Variants in CTNNA2 observed in about 807,000 individuals in gnomAD.
CTNNA2 encodes the protein catenin alpha 2.
Under a neutral mutation model 101.0 loss-of-function variants are expected in CTNNA2, and 42 were observed. That is an observed-to-expected ratio of 0.42 (90% CI 0.32 to 0.54). The LOEUF (loss-of-function observed/expected upper bound fraction) is 0.54. CTNNA2 is among the 20% of genes least tolerant of loss of function. The probability of loss-of-function intolerance (pLI) is 0.14; values close to 1 mark genes in which losing one functional copy is unlikely to be tolerated. For missense variants in CTNNA2, 871 were observed against 1,223.1 expected (o/e 0.71, Z 4.29); for synonymous variants, 450 against 456.4 (o/e 0.99, Z 0.18).
At chr2:79,540,484 G>A (rs961018626) in intron 1 of CTNNA2, among the ~76,000 whole-genome samples, 9 of 152,090 alleles carry the variant, frequency 5.9e-5, no homozygotes, top group East Asian at 1.9e-4. Flanking sequence ...CTCCATCTCC[G>A]TTTGGACTAT....
chr2:79,744,555 G>T lies in CTNNA2; in HGVS notation c.271G>T (p.Ala91Ser), dbSNP rs1224400149. Reference sequence around the variant, plus strand: ...TCAAGATCTCAAAGAAGAGTTGGTGGCTGCTGTAGAGGATGTGCGCAAACA... The same window carrying T: ...TCAAGATCTCAAAGAAGAGTTGGTGTCTGCTGTAGAGGATGTGCGCAAACA... ...ESQDLKEELVAAVEDVRKQGE... is the reference protein window; with the variant it reads ...ESQDLKEELVSAVEDVRKQGE... The change falls in exon 3 of 19, where the codon GCT becomes TCT. Residue 91 changes from alanine to serine, a missense_variant. By Grantham distance (99) the Ala-to-Ser change is moderately conservative. Around this residue, in one of 5 missense-constraint regions of CTNNA2, gnomAD observed 647 missense variants for 831.5 expected, o/e 0.78. Coordinates refer to ENST00000402739, the MANE Select transcript of CTNNA2 (RefSeq NM_001282597.3). 2 of 1,613,930 alleles carry T rather than the reference G, an allele frequency of 1.2e-6. No individual in the cohort carries two copies. Among genetic ancestry groups the T allele is most frequent in the South Asian group, 2.2e-5 (2 of 91,060 alleles).
At chr2:79,305,373 C>CATATATATATATATATATATAT (rs56285145) in intron 2 of CTNNA2, among the ~76,000 whole-genome samples, 84 of 138,222 alleles carry the variant, frequency 6.1e-4, no homozygotes, top group African/African-American at 2.1e-3. Context: ...TATATATACA[C>CATATATATATATATATATATAT]ATATATATAT....
chr2:79,382,077 G>A (rs1371886130), intron 4 of CTNNA2, among the ~76,000 whole-genome samples: 1 of 152,054 alleles, frequency 6.6e-6, no homozygotes, highest in Non-Finnish European at 1.5e-5. Flanking sequence ...ACTAGTGGGG[G>A]TAGGCATCAT....
chr2:79,984,900 A>G (rs71424902), intron 7 of CTNNA2, among the ~76,000 whole-genome samples: 1 of 152,180 alleles, frequency 6.6e-6, no homozygotes, highest in Non-Finnish European at 1.5e-5. Context: ...GGATTGGCAA[A>G]CAATAGCCAC....
chr2:79,684,523 A>C (rs1306386585), intron 2 of CTNNA2, among the ~76,000 whole-genome samples: 1 of 152,220 alleles, frequency 6.6e-6, no homozygotes. Context: ...ATGTATGTAA[A>C]GTGCTTAGCA....
At chr2:79,474,242 C>T (rs1246918486) in intron 4 of CTNNA2, among the ~76,000 whole-genome samples, 1 of 152,098 alleles carries the variant, frequency 6.6e-6, no homozygotes, top group African/African-American at 2.4e-5. Flanking sequence ...AAAATGGAAA[C>T]AACCCAAATG....
intron 6 of CTNNA2, among the ~76,000 whole-genome samples, chr2:79,876,799 T>G (rs993552385): frequency 3.9e-5 from 6 of 152,186 alleles, no homozygotes; most frequent in Non-Finnish European, 8.8e-5. Context: ...TAGCAAAGTA[T>G]GTCAACATGT....
chr2:80,079,982 G>A (rs866922525), intron 7 of CTNNA2, among the ~76,000 whole-genome samples: 7 of 151,982 alleles, frequency 4.6e-5, no homozygotes, highest in South Asian at 2.1e-4. Context: ...ATCCATCTGC[G>A]TTGTAGAATC....
chr2:79,304,472 C>T (rs917175255), intron 2 of CTNNA2, among the ~76,000 whole-genome samples: 1 of 151,414 alleles, frequency 6.6e-6, no homozygotes, highest in African/African-American at 2.4e-5. Flanking sequence ...ATTTCCAAGG[C>T]TCACCCAGGT....
rs1676110732 is a variant in CTNNA2, at chr2:80,377,868, G to A, written c.1057-15343G>A. Among the ~76,000 whole-genome samples the A allele has an allele frequency of 1.3e-5, 2 of 152,114 alleles. 1 individual carries two copies. The highest frequency in any genetic ancestry group is 4.1e-4 in the South Asian group (2 of 4,828). ...GAATTTATCTTCCTCGGTCATCTAT[G>A]GTCCCATCTCTCATCTGTGGCCAGA... is the stretch of plus-strand genomic sequence containing the variant. On this transcript the variant is annotated intron_variant, in intron 7 of 18. Coordinates refer to ENST00000402739, the MANE Select transcript of CTNNA2 (RefSeq NM_001282597.3).
At chr2:80,307,054 T>C (rs747749768) in intron 7 of CTNNA2, among the ~76,000 whole-genome samples, 1 of 148,296 alleles carries the variant, frequency 6.7e-6, no homozygotes, top group Non-Finnish European at 1.5e-5. Context: ...ATTATATATA[T>C]ATATTATATA....
intron 7 of CTNNA2, among the ~76,000 whole-genome samples, chr2:80,091,913 A>G (rs1391004929): frequency 6.6e-6 from 1 of 152,116 alleles, no homozygotes; most frequent in African/African-American, 2.4e-5. Flanking sequence ...CTGTTGTTTT[A>G]AGTTAAATTT....
At chr2:80,010,135 C>T (rs61343332) in intron 7 of CTNNA2, among the ~76,000 whole-genome samples, 31,751 of 152,000 alleles carry the variant, frequency 0.21, 3,857 homozygotes, top group African/African-American at 0.32. Flanking sequence ...ATCTTTTATC[C>T]GTGAGCAGAG....
chr2:80,480,311 G>T (rs1286087266), intron 9 of CTNNA2, among the ~76,000 whole-genome samples: 4 of 151,948 alleles, frequency 2.6e-5, no homozygotes, highest in Admixed American at 1.3e-4. Context: ...TGTAAAAAAA[G>T]ATAATTTTAA....
intron 7 of CTNNA2, among the ~76,000 whole-genome samples, chr2:80,230,262 T>TG (rs1709122209): frequency 8.4e-6 from 1 of 118,890 alleles, no homozygotes; most frequent in Admixed American, 8.6e-5. Context: ...TTTTCTTTGT[T>TG]TTTTTTTTTT....
At chr2:79,901,489 G>A (rs974834180) in intron 6 of CTNNA2, among the ~76,000 whole-genome samples, 11 of 152,006 alleles carry the variant, frequency 7.2e-5, no homozygotes, top group Admixed American at 1.3e-4. Flanking sequence ...CATACCACTA[G>A]CATTTGCATT....
At chr2:80,185,460 G>A (rs887781841) in intron 7 of CTNNA2, among the ~76,000 whole-genome samples, 5 of 152,122 alleles carry the variant, frequency 3.3e-5, no homozygotes, top group Admixed American at 6.5e-5. Context: ...TTGCAAAAAA[G>A]CATGAATACC....
At chr2:80,503,573 AAAAC>A (rs1482346521) in intron 9 of CTNNA2, among the ~76,000 whole-genome samples, 9 of 152,316 alleles carry the variant, frequency 5.9e-5, no homozygotes, top group South Asian at 2.1e-4. Flanking sequence ...TCCCTCTTGA[AAAAC>A]AAACAAACTT....
intron 7 of CTNNA2, among the ~76,000 whole-genome samples, chr2:80,126,634 CCCTTCCTTCCTT>C (rs1178536900): frequency 7.6e-4 from 20 of 26,180 alleles, no homozygotes; most frequent in South Asian, 2.6e-3. Flanking sequence ...CTCCCTCCCT[CCCTTCCTTCCTT>C]CCTTCCTTCC....
Sources: gnomAD v4.1 joint callset for allele counts (sites outside exome capture counted in the v4.1 genomes callset) on GRCh38, gnomAD v4.1.1 for gene constraint, gnomAD v4.1.1 regional missense constraint, MANE v1.5 for transcripts, NCBI Gene and HGNC (gene_info 2026-07-23, HGNC 2026-07-21) for gene names.